Variants in CAMTA1 observed in about 807,000 individuals in gnomAD.
CAMTA1 encodes calmodulin binding transcription activator 1, also known as calmodulin-binding transcription activator 1.
In CAMTA1, 27 loss-of-function variants were observed where a neutral mutation model predicts 170.9. That is an observed-to-expected ratio of 0.16 (90% CI 0.12 to 0.22). The LOEUF is 0.22. Ranked by LOEUF, CAMTA1 falls within the 10% of genes least tolerant of loss-of-function variation. The pLI is 1.00. For missense variants in CAMTA1, 1,619 were observed against 2,217.2 expected, an observed-to-expected ratio of 0.73 and a Z score of 5.42; for synonymous variants, 833 against 891.5, an observed-to-expected ratio of 0.93 and a Z score of 1.17.
At position 7,267,609 on chromosome 1, in the gene CAMTA1, G is replaced by A. The variant is rs116979456; in HGVS notation, c.438+17983G>A. ...ACCTACCAGCAGGCCAAGGGTTTTA[G>A]TTCAGAGATTCTGAGCACCTCACTT... On this transcript the variant is annotated intron_variant, in intron 5 of 22. Transcript: ENST00000303635. Among the ~76,000 whole-genome samples the A allele has an allele frequency of 7.7e-4, 117 of 152,314 alleles. 2 individuals carry two copies. In the East Asian group the frequency reaches 0.015, roughly 19 times the overall value.
chr1:7,087,886 T>A (rs1418831149), intron 3 of CAMTA1, among the ~76,000 whole-genome samples: 1 of 152,188 alleles, frequency 6.6e-6, no homozygotes, highest in Non-Finnish European at 1.5e-5. Flanking sequence ...CTCCATGCCA[T>A]TTAGCACCAA....
intron 3 of CAMTA1, among the ~76,000 whole-genome samples, chr1:7,072,743 G>T (rs902197839): frequency 3.3e-5 from 5 of 152,218 alleles, no homozygotes; most frequent in African/African-American, 1.2e-4. Context: ...GTGAGGGAGT[G>T]AACCGAGTAG....
rs116234301 is a variant in CAMTA1 at position 7,113,368 on chromosome 1, C to T, written c.302+21997C>T. Among the ~76,000 whole-genome samples, 1,862 of 152,250 alleles carry T rather than the reference C, an allele frequency of 0.012. 37 individuals are homozygous for T. Among genetic ancestry groups the T allele is most frequent in the African/African-American group, 0.042 (1,745 of 41,558 alleles). On this transcript the variant is annotated intron_variant, in intron 4 of 22. Transcript: ENST00000303635. This position sits in a 1 kb window ranked among gnomAD's most constrained non-coding sequence, Gnocchi z 4.5. Reference sequence around the variant, plus strand: ...GGCCATTCTGACCAAGTGGGGTGGACGGCAGAGACACTCAGGTGGAGAAGC... The same window carrying T: ...GGCCATTCTGACCAAGTGGGGTGGATGGCAGAGACACTCAGGTGGAGAAGC...
At chr1:7,465,658 G>T (rs2093193652) in intron 5 of CAMTA1, among the ~76,000 whole-genome samples, 1 of 152,202 alleles carries the variant, frequency 6.6e-6, no homozygotes, top group African/African-American at 2.4e-5. Flanking sequence ...GGATGGTTCT[G>T]GGGCAGTTGT....
At chr1:6,921,716 TGGA>T (rs1682052288) in intron 3 of CAMTA1, among the ~76,000 whole-genome samples, 1 of 152,188 alleles carries the variant, frequency 6.6e-6, no homozygotes, top group Non-Finnish European at 1.5e-5. Context: ...ACATCTTACA[TGGA>T]TGGTGGCAGG....
At chr1:6,891,606 A>G (rs1472301183) in intron 3 of CAMTA1, among the ~76,000 whole-genome samples, 2 of 152,208 alleles carry the variant, frequency 1.3e-5, no homozygotes, top group Non-Finnish European at 2.9e-5. Flanking sequence ...CGTTTTTGCC[A>G]TCTCATAGCT....
chr1:7,242,747 T>A (rs1665083532), intron 4 of CAMTA1, among the ~76,000 whole-genome samples: 1 of 151,282 alleles, frequency 6.6e-6, no homozygotes, highest in Admixed American at 6.6e-5. Flanking sequence ...GCTAACACAG[T>A]GAAACCCCGT....
intron 5 of CAMTA1, among the ~76,000 whole-genome samples, chr1:7,467,564 G>T (rs2093239877): frequency 6.6e-6 from 1 of 152,238 alleles, no homozygotes; most frequent in Admixed American, 6.5e-5. Context: ...TGGCTGTCCT[G>T]GGTTCTCGAC....
intron 6 of CAMTA1, among the ~76,000 whole-genome samples, chr1:7,490,323 G>A (rs923668591): frequency 1.3e-5 from 2 of 152,284 alleles, no homozygotes; most frequent in East Asian, 1.9e-4. Context: ...GAACACAACA[G>A]TGAGCCCTCC....
At chr1:7,278,596 A>G (rs1231087258) in intron 5 of CAMTA1, among the ~76,000 whole-genome samples, 2 of 152,210 alleles carry the variant, frequency 1.3e-5, no homozygotes, top group Non-Finnish European at 2.9e-5. Flanking sequence ...CTCGTCACAG[A>G]TCCGTGGATC....
At chr1:7,343,317 G>GCA (rs1334379635) in intron 5 of CAMTA1, among the ~76,000 whole-genome samples, 1 of 152,148 alleles carries the variant, frequency 6.6e-6, no homozygotes, top group Non-Finnish European at 1.5e-5. Flanking sequence ...GGGGCTCATG[G>GCA]CACACGGGTG....
At chr1:6,919,089 T>C (rs1295933915) in intron 3 of CAMTA1, among the ~76,000 whole-genome samples, 1 of 152,246 alleles carries the variant, frequency 6.6e-6, no homozygotes, top group African/African-American at 2.4e-5. Context: ...AGTGCAGATC[T>C]GCTGACACCT....
rs115968191 is a variant in CAMTA1 at position 7,501,557 on chromosome 1, C to T, written c.510+33656C>T. 2.7e-3 allele frequency among the ~76,000 whole-genome samples: 405 copies of T among 151,822 alleles called. 1 individual carries two copies. Among genetic ancestry groups the T allele is most frequent in the African/African-American group, 9.2e-3 (381 of 41,404 alleles). On this transcript the variant is annotated intron_variant, in intron 6 of 22. Transcript: ENST00000303635. ...CCCTGGAGGCTGGGGTGCAGGCTTA[C>T]CAAATTTAGCAAATGAAAATTGTAG...
chr1:6,876,982 C>T lies in CAMTA1; in HGVS notation c.234+51772C>T, dbSNP rs537604808. Among the ~76,000 whole-genome samples the T allele has an allele frequency of 3.7e-3, 562 of 152,280 alleles. 3 individuals carry two copies. The highest frequency in any genetic ancestry group is 6.5e-3 in the Non-Finnish European group (441 of 68,022). Reference sequence around the variant, plus strand: ...CTGAGATCATCTGGGTTGGACCCTTCATTTTTGGTGGTGAGGAACCCACTC... The same window carrying T: ...CTGAGATCATCTGGGTTGGACCCTTTATTTTTGGTGGTGAGGAACCCACTC... On this transcript the variant is annotated intron_variant, in intron 3 of 22. Coordinates refer to ENST00000303635, the MANE Select transcript of CAMTA1 (RefSeq NM_015215.4).
At chr1:7,098,202 A>G (rs1253437035) in intron 4 of CAMTA1, among the ~76,000 whole-genome samples, 1 of 152,180 alleles carries the variant, frequency 6.6e-6, no homozygotes, top group Non-Finnish European at 1.5e-5. Flanking sequence ...GGGCAGTTTT[A>G]GATTTAGAGC....
At chr1:7,121,473 GA>G (rs980523203) in intron 4 of CAMTA1, among the ~76,000 whole-genome samples, 4 of 152,260 alleles carry the variant, frequency 2.6e-5, no homozygotes, top group Non-Finnish European at 5.9e-5. Context: ...CTTTCCCACA[GA>G]AATGGTCAGT....
chr1:7,407,437 ACT>A (rs2149240033), intron 5 of CAMTA1, among the ~76,000 whole-genome samples: 1 of 152,152 alleles, frequency 6.6e-6, no homozygotes. Context: ...CTCACTCCTC[ACT>A]CTGAAGTCTG....
rs77265345 is a variant in CAMTA1 at position 7,696,659 on chromosome 1, G to C, written c.2914+18926G>C. Among the ~76,000 whole-genome samples the C allele has an allele frequency of 9.2e-3, 1,401 of 152,276 alleles. 17 individuals carry two copies. The highest frequency in any genetic ancestry group is 0.031 in the African/African-American group (1,274 of 41,540). ...ACACGGCATCCTCTTTGAAGGCTCA[G>C]TGGGGTCTTTCTGCCTCATGGAAAA... is the stretch of plus-strand genomic sequence containing the variant. On this transcript the variant is annotated intron_variant, in intron 11 of 22. Coordinates refer to ENST00000303635, the MANE Select transcript of CAMTA1 (RefSeq NM_015215.4).
At chr1:7,412,040 A>C (rs1003487553) in intron 5 of CAMTA1, among the ~76,000 whole-genome samples, 1 of 151,804 alleles carries the variant, frequency 6.6e-6, no homozygotes, top group African/African-American at 2.4e-5. Flanking sequence ...TAGTTTGCTG[A>C]GAATGATGAT....
Sources: gnomAD v4.1 joint callset for allele counts (sites outside exome capture counted in the v4.1 genomes callset) on GRCh38, gnomAD v4.1.1 for gene constraint, Gnocchi (gnomAD v3.1) non-coding constraint, MANE v1.5 for transcripts, NCBI Gene and HGNC (gene_info 2026-07-23, HGNC 2026-07-21) for gene names.